Variants in TFAP2C observed in about 807,000 individuals in gnomAD.
The protein encoded by TFAP2C is activating enhancer-binding protein 2 gamma.
In TFAP2C, 9 loss-of-function variants were observed where a neutral mutation model predicts 42.9. That is an observed-to-expected ratio of 0.21 (90% confidence interval 0.13 to 0.37). The LOEUF (loss-of-function observed/expected upper bound fraction) is 0.37, where lower values mean the gene tolerates loss of function less well. Ranked by LOEUF, TFAP2C falls within the 10% of genes least tolerant of loss-of-function variation. The pLI is 1.00. For synonymous variants in TFAP2C, 264 were observed against 256.0 expected, an observed-to-expected ratio of 1.03 and a Z score of -0.30; for missense variants, 462 against 591.7, an observed-to-expected ratio of 0.78 and a Z score of 2.27.
rs1275282881 is a variant in TFAP2C, at chr20:56,629,469, G to A, written c.-76G>A. 2.3e-6 allele frequency: 3 copies of A among 1,303,664 alleles called. No individual in the cohort carries two copies. The highest frequency in any genetic ancestry group is 2.0e-6 in the Non-Finnish European group (2 of 1,007,538). The allele number at this position is 1,303,664 out of a possible 1,614,324, so 80.8% of individuals were successfully genotyped here. On this transcript the variant is annotated 5_prime_UTR_variant, in exon 1 of 7. Coordinates refer to ENST00000201031, the MANE Select transcript of TFAP2C (RefSeq NM_003222.4). This position sits in a 1 kb window ranked among gnomAD's most constrained non-coding sequence, Gnocchi z 5.9. ...GCAGACGCCTGGTCACCGTGACCCC[G>A]ATTTTGGATTTACCGCTTGGGGGCT... is the stretch of plus-strand genomic sequence containing the variant.
chr20:56,632,941 T>C (rs1183394965), intron 3 of TFAP2C, among the ~76,000 whole-genome samples: 1 of 152,142 alleles, frequency 6.6e-6, no homozygotes, highest in Admixed American at 6.5e-5. Flanking sequence ...AAGTCAGCCA[T>C]GGCCAGGTGC....
intron 6 of TFAP2C, among the ~76,000 whole-genome samples, chr20:56,636,959 G>C (rs1405201068): frequency 6.6e-6 from 1 of 152,200 alleles, no homozygotes; most frequent in Non-Finnish European, 1.5e-5. Context: ...GCATGACTCA[G>C]CCATGAGTAT....
intron 4 of TFAP2C, among the ~76,000 whole-genome samples, chr20:56,633,924 C>T (rs776419731): frequency 1.3e-5 from 2 of 152,088 alleles, no homozygotes; most frequent in African/African-American, 4.8e-5. Flanking sequence ...TTGAAATATT[C>T]GGTGATGCAG....
At position 56,638,070 on chromosome 20, in the gene TFAP2C, T is replaced by C. The variant is rs532632092; in HGVS notation, c.*57T>C. The C allele has an allele frequency of 3.3e-6, 5 of 1,505,390 alleles. No homozygotes were observed. The East Asian group carries it at 9.7e-5, about 29-fold the overall frequency. 93.3% of individuals were successfully genotyped at this position (1,505,390 alleles called of 1,614,324 possible). ...GAAGGAACAGGACTGCAAAAATCCT[T>C]CTCCACCGCACAGACTGGGAACCCC... On this transcript the variant is annotated 3_prime_UTR_variant, in exon 7 of 7. Coordinates refer to ENST00000201031, the MANE Select transcript of TFAP2C (RefSeq NM_003222.4).
chr20:56,638,131 C>A lies in TFAP2C; in HGVS notation c.*118C>A, dbSNP rs1048520. 8 of 900,564 alleles carry A rather than the reference C, an allele frequency of 8.9e-6. No individual in the cohort carries two copies. Among genetic ancestry groups the A allele is most frequent in the Non-Finnish European group, 9.9e-6 (6 of 606,102 alleles). The allele number at this position is 900,564 out of a possible 1,614,324, so 55.8% of individuals were successfully genotyped here. ...GGGGAAGAGTTTGTTACCTACCTTA[C>A]TATTTAAAGAGCCTTCACTGGTTCT... On this transcript the variant is annotated 3_prime_UTR_variant, in exon 7 of 7. Transcript: ENST00000201031.
intron 3 of TFAP2C, among the ~76,000 whole-genome samples, chr20:56,633,005 C>G (rs1205840082): frequency 6.6e-6 from 1 of 152,120 alleles, no homozygotes; most frequent in Non-Finnish European, 1.5e-5. Context: ...GGGCAGATCA[C>G]TTGAGGTCAG....
chr20:56,632,193 C>T (rs149531495), intron 3 of TFAP2C, among the ~76,000 whole-genome samples: 1 of 152,216 alleles, frequency 6.6e-6, no homozygotes, highest in South Asian at 2.1e-4. Flanking sequence ...AAGTCACAGG[C>T]ACACCTTCGT....
In TFAP2C at chr20:56,629,620, C is replaced by T. The variant is rs778577283; in HGVS notation, c.48+28C>T. 5.0e-6 allele frequency: 7 copies of T among 1,392,064 alleles called. No homozygotes were observed. The highest frequency in any genetic ancestry group is 2.9e-5 in the Admixed American group (1 of 34,002). 86.2% of individuals were successfully genotyped at this position (1,392,064 alleles called of 1,614,324 possible). A position where few individuals can be genotyped will look rare whatever the true frequency, so the allele number is the denominator to read the frequency against. The stretch of plus-strand genomic sequence containing the variant: ...GAGCTGGGGCTCCGGGGTGCAGCCC[C>T]GCCCCGCCGAGGACAGTCCGGGAGG... On this transcript the variant is annotated intron_variant, in intron 1 of 6. Transcript: ENST00000201031. The surrounding 1 kb of genome is among the most constrained non-coding windows in gnomAD (Gnocchi z 5.9).
rs1452348217 is a variant in TFAP2C, at chr20:56,630,240, C to G, written c.48+648C>G. 3.3e-6 allele frequency: 1 copy of G among 298,926 alleles called. No individual in the cohort carries two copies. Among genetic ancestry groups the G allele is most frequent in the African/African-American group, 2.3e-5 (1 of 43,834 alleles). 18.5% of individuals were successfully genotyped at this position (298,926 alleles called of 1,614,324 possible). A position where few individuals can be genotyped will look rare whatever the true frequency, so the allele number is the denominator to read the frequency against. On this transcript the variant is annotated intron_variant, in intron 1 of 6. Transcript: ENST00000201031. The surrounding 1 kb of genome is among the most constrained non-coding windows in gnomAD (Gnocchi z 5.1). ...AGACGCAGGCAGCGCTAGGCGAGCT[C>G]AGGGGCGCCGGGAGCGCGGAGCTCG...
At chr20:56,637,357 C>T (rs1046592186) in intron 6 of TFAP2C, among the ~76,000 whole-genome samples, 3 of 152,312 alleles carry the variant, frequency 2.0e-5, no homozygotes, top group African/African-American at 4.8e-5. Flanking sequence ...CGGTTCCTCA[C>T]GGAATTTGTT....
chr20:56,634,214 C>G lies in TFAP2C; in HGVS notation c.868C>G (p.Pro290Ala). ...EKLDKIGLNL[P>A]AGRRKAAHVT... ...GTTGGACAAGATTGGGTTGAATCTT[C>G]CGGCCGGGAGGCGGAAAGCCGCTCA... Residue 290 changes from proline (P) to alanine (A), a missense_variant, in exon 5 of 7, where the codon CCG (proline) becomes GCG (alanine). Coordinates refer to ENST00000201031, the MANE Select transcript of TFAP2C (RefSeq NM_003222.4). The G allele has an allele frequency of 6.2e-7, 1 of 1,614,168 alleles. No homozygotes were observed. The highest frequency in any genetic ancestry group is 8.5e-7 in the Non-Finnish European group (1 of 1,180,030).
chr20:56,638,306 T>A lies in TFAP2C; in HGVS notation c.*293T>A. 1 of 328,342 alleles carries A rather than the reference T, an allele frequency of 3.0e-6. No homozygotes were observed. Among genetic ancestry groups the A allele is most frequent in the Non-Finnish European group, 5.6e-6 (1 of 178,936 alleles). 20.3% of individuals were successfully genotyped at this position (328,342 alleles called of 1,614,324 possible). ...CCATTCTTTCCTTCTCTGAAAGTGG[T>A]GCTATAAGTTTTAGAATCTTTTAAA... On this transcript the variant is annotated 3_prime_UTR_variant, in exon 7 of 7. Coordinates refer to ENST00000201031, the MANE Select transcript of TFAP2C (RefSeq NM_003222.4).
chr20:56,631,313 G>A lies in TFAP2C; in HGVS notation c.157G>A (p.Glu53Lys). 1 of 1,608,108 alleles carries A rather than the reference G, an allele frequency of 6.2e-7. No homozygotes were observed. The highest frequency in any genetic ancestry group is 8.5e-7 in the Non-Finnish European group (1 of 1,177,944). ...ACCCCTCTCCCACACTGGAGTCGCC[G>A]AATATCAGCCGCCACCCTACTTTCC... ...APPLSHTGVAEYQPPPYFPPP... is the reference protein window; with the variant it reads ...APPLSHTGVAKYQPPPYFPPP... The change falls in exon 2 of 7, where the codon GAA becomes AAA. Residue 53 changes from glutamate (E) to lysine (K), a missense_variant. Physicochemically the swap from Glu to Lys is moderately conservative, Grantham distance 56 (BLOSUM62 1). Around this residue, in one of 5 missense-constraint regions of TFAP2C, gnomAD observed 271 missense variants for 269.7 expected, o/e 1.00. Coordinates refer to ENST00000201031, the MANE Select transcript of TFAP2C (RefSeq NM_003222.4). The surrounding 1 kb of genome is among the most constrained non-coding windows in gnomAD (Gnocchi z 6.1).
chr20:56,631,132 C>G lies in TFAP2C; in HGVS notation c.49-73C>G, dbSNP rs967633645. The G allele has an allele frequency of 3.4e-6, 5 of 1,465,838 alleles. No homozygotes were observed. The East Asian group carries it at 7.8e-5, about 23-fold the overall frequency. 90.8% of individuals were successfully genotyped at this position (1,465,838 alleles called of 1,614,324 possible). A position where few individuals can be genotyped will look rare whatever the true frequency, so the allele number is the denominator to read the frequency against. ...GTCCCCCGGGGCCCTCTGCGTAGCC[C>G]GGCGATGCCGGCCAGTTCGCAGTAG... On this transcript the variant is annotated intron_variant, in intron 1 of 6. Coordinates refer to ENST00000201031, the MANE Select transcript of TFAP2C (RefSeq NM_003222.4). The surrounding 1 kb of genome is among the most constrained non-coding windows in gnomAD (Gnocchi z 6.1).
At position 56,629,654 on chromosome 20, in the gene TFAP2C, A is replaced by G. The variant is rs979347158; in HGVS notation, c.48+62A>G. The G allele has an allele frequency of 3.1e-6, 4 of 1,307,276 alleles. No homozygotes were observed. The African/African-American group carries it at 4.6e-5, about 15-fold the overall frequency. The allele number at this position is 1,307,276 out of a possible 1,614,324, so 81.0% of individuals were successfully genotyped here. A position where few individuals can be genotyped will look rare whatever the true frequency, so the allele number is the denominator to read the frequency against. ...GAGGACAGTCCGGGAGGCAGGGGCC[A>G]CTGGACCGAGGTCGGGGACGAGGGC... is the stretch of plus-strand genomic sequence containing the variant. On this transcript the variant is annotated intron_variant, in intron 1 of 6. Coordinates refer to ENST00000201031, the MANE Select transcript of TFAP2C (RefSeq NM_003222.4). This position sits in a 1 kb window ranked among gnomAD's most constrained non-coding sequence, Gnocchi z 5.9.
Position 56,630,859 on chromosome 20 carries a change from C to T in TFAP2C, c.49-346C>T. ...CCTTCGCCCCGGGCTCTGGCTCCTT[C>T]GCCCCGGGCTCCGGCCACGGACTTT... On this transcript the variant is annotated intron_variant, in intron 1 of 6. Coordinates refer to ENST00000201031, the MANE Select transcript of TFAP2C (RefSeq NM_003222.4). This position sits in a 1 kb window ranked among gnomAD's most constrained non-coding sequence, Gnocchi z 5.1. 2 of 985,086 alleles carry T rather than the reference C, an allele frequency of 2.0e-6. No individual in the cohort carries two copies. The highest frequency in any genetic ancestry group is 2.4e-6 in the Non-Finnish European group (2 of 829,800). 61.0% of individuals were successfully genotyped at this position (985,086 alleles called of 1,614,324 possible). A position where few individuals can be genotyped will look rare whatever the true frequency, so the allele number is the denominator to read the frequency against.
In TFAP2C at chr20:56,637,964, C is replaced by T; in HGVS notation, c.1304C>T (p.Pro435Leu). The T allele has an allele frequency of 3.7e-6, 6 of 1,614,094 alleles. No homozygotes were observed. The South Asian group carries it at 5.5e-5, about 15-fold the overall frequency. The change falls in exon 7 of 7, where the codon CCA becomes CTA. Residue 435 changes from proline to leucine, a missense_variant. Around this residue, in one of 5 missense-constraint regions of TFAP2C, gnomAD observed 130 missense variants for 160.8 expected, o/e 0.81. Coordinates refer to ENST00000201031, the MANE Select transcript of TFAP2C (RefSeq NM_003222.4). ...TACATGAACCCTGGAGACCAGAGTC[C>T]AGCTGATTCTAACAAAACCCTGGAG... The part of the protein sequence containing the change: ...KSYMNPGDQS[P>L]ADSNKTLEKM...
rs369867274 is a variant in TFAP2C at position 56,631,222 on chromosome 20, C to G, written c.66C>G (p.Ser22Arg). The change falls in exon 2 of 7, where the codon AGC (serine) becomes AGG (arginine). Residue 22 changes from serine (S) to arginine (R), a missense_variant. By Grantham distance (110) the Ser-to-Arg change is moderately radical. Transcript: ENST00000201031. This position sits in a 1 kb window ranked among gnomAD's most constrained non-coding sequence, Gnocchi z 6.1. Reference sequence around the variant, plus strand: ...CCCTCCAGGATCGCCACGACGGGAGCAGCAATGGGAATCCGCGGGTCCCCC... The same window carrying G: ...CCCTCCAGGATCGCCACGACGGGAGGAGCAATGGGAATCCGCGGGTCCCCC... ...EEDCEDRHDGSSNGNPRVPHL... is the reference protein window; with the variant it reads ...EEDCEDRHDGRSNGNPRVPHL... 1 of 1,541,824 alleles carries G rather than the reference C, an allele frequency of 6.5e-7. No homozygotes were observed. The highest frequency in any genetic ancestry group is 2.0e-5 in the Admixed American group (1 of 49,508).
intron 6 of TFAP2C, among the ~76,000 whole-genome samples, chr20:56,637,292 G>T (rs1018918902): frequency 1.3e-5 from 2 of 152,190 alleles, no homozygotes; most frequent in African/African-American, 4.8e-5. Context: ...AAAAGAGAGC[G>T]CAGTGAACCA....
Sources: gnomAD v4.1 joint callset for allele counts (sites outside exome capture counted in the v4.1 genomes callset) on GRCh38, gnomAD v4.1.1 for gene constraint, gnomAD v4.1.1 regional missense constraint, Gnocchi (gnomAD v3.1) non-coding constraint, MANE v1.5 for transcripts, NCBI Gene and HGNC (gene_info 2026-07-23, HGNC 2026-07-21) for gene names.